The following GIPC1 variants were observed in gnomAD, a reference collection of about 807,000 sequenced individuals.
GIPC1 encodes the protein GIPC PDZ domain containing family member 1.
In GIPC1, 15 loss-of-function variants were observed where a neutral mutation model predicts 28.5. That is an observed-to-expected ratio of 0.53 (90% CI 0.35 to 0.81). The LOEUF is 0.81. Among genes scored for constraint, GIPC1 ranks in the 30% least tolerant of loss-of-function variants. The pLI is 0.01. For missense variants in GIPC1, 439 were observed against 481.9 expected, an observed-to-expected ratio of 0.91 and a Z score of 0.83; for synonymous variants, 224 against 206.1, an observed-to-expected ratio of 1.09 and a Z score of -0.74.
chr19:14,494,188 G>T (rs1231385187), intron 1 of GIPC1, among the ~76,000 whole-genome samples: 1 of 151,992 alleles, frequency 6.6e-6, no homozygotes, highest in Non-Finnish European at 1.5e-5. Flanking sequence ...TCAAACTCCT[G>T]ACCTCTTGAC....
chr19:14,480,975 T>C, intron 4 of GIPC1, 197 bp from the exon 5 acceptor site: 1 of 566,546 alleles, frequency 1.8e-6, no homozygotes. Context: ...GATTTAGTTT[T>C]CCTTTCTCTT....
chr19:14,486,469 A>C (rs2071845950), intron 3 of GIPC1, among the ~76,000 whole-genome samples: 1 of 152,122 alleles, frequency 6.6e-6, no homozygotes, highest in Non-Finnish European at 1.5e-5. Flanking sequence ...GAGGCATTTA[A>C]GTGCTGGAGC....
intron 3 of GIPC1, among the ~76,000 whole-genome samples, chr19:14,485,983 G>A (rs1303595802): frequency 6.6e-6 from 1 of 151,982 alleles, no homozygotes; most frequent in African/African-American, 2.4e-5. Context: ...CGTTAGCAAG[G>A]ATGGTCTCGA....
chr19:14,486,717 T>C (rs982166604), intron 3 of GIPC1, among the ~76,000 whole-genome samples: 7 of 147,830 alleles, frequency 4.7e-5, no homozygotes, highest in African/African-American at 9.9e-5. Context: ...TCTTTCTTTT[T>C]TTTTTTTTTT....
intron 3 of GIPC1, among the ~76,000 whole-genome samples, chr19:14,489,235 G>C (rs1361517147): frequency 6.6e-6 from 1 of 152,158 alleles, no homozygotes; most frequent in Non-Finnish European, 1.5e-5. Flanking sequence ...CTATGGTTTG[G>C]ATAAGGTTTG....
intron 4 of GIPC1, among the ~76,000 whole-genome samples, chr19:14,481,305 CA>C (rs1181380353): frequency 6.6e-6 from 1 of 152,080 alleles, no homozygotes; most frequent in African/African-American, 2.4e-5. Context: ...ATGGGAGCCT[CA>C]TTATGTTGCC....
chr19:14,496,087 C>G lies in GIPC1; in HGVS notation c.-225G>C, dbSNP rs1281819171. ...GCCGCCGCCGCCGCTGCCTCCGCCT[C>G]CCCGTGCGCACCCGGCTCGGCCCTC... On this transcript the variant is annotated 5_prime_UTR_variant, in exon 1 of 9. Transcript: ENST00000393033. The G allele has an allele frequency of 8.5e-6, 2 of 234,828 alleles. No homozygotes were observed. The highest frequency in any genetic ancestry group is 2.4e-5 in the African/African-American group (1 of 42,382). The allele number at this position is 234,828 out of a possible 1,614,324, so 14.5% of individuals were successfully genotyped here.
At chr19:14,481,766 GAAC>G (rs2071735128) in intron 4 of GIPC1, 1 of 151,414 alleles carries the variant, frequency 6.6e-6, no homozygotes, top group Non-Finnish European at 1.5e-5. Context: ...TGCTTTCAGG[GAAC>G]GGAGCCTGGC....
intron 3 of GIPC1, among the ~76,000 whole-genome samples, chr19:14,485,684 A>AATACATATAT (rs1555721766): frequency 1.4e-5 from 1 of 72,476 alleles, no homozygotes; most frequent in East Asian, 3.5e-4. Flanking sequence ...TAAATAAACA[A>AATACATATAT]ATATATATAT....
Position 14,480,503 on chromosome 19 carries a change from C to T in GIPC1, c.475-18G>A. The T allele has an allele frequency of 1.2e-6, 2 of 1,606,820 alleles. No homozygotes were observed. The highest frequency in any genetic ancestry group is 1.7e-6 in the Non-Finnish European group (2 of 1,175,008). ...TTGATGCGCTGCGGGGGCGGGGAGT[C>T]ATCAGCCCTTGGGGCTCTGCCCTGG... is the stretch of plus-strand genomic sequence containing the variant. On this transcript the variant is annotated intron_variant, in intron 5 of 8. Coordinates refer to ENST00000393033, the MANE Select transcript of GIPC1 (RefSeq NM_005716.4).
intron 3 of GIPC1, among the ~76,000 whole-genome samples, chr19:14,490,303 T>C (rs775200773): frequency 1.9e-4 from 28 of 149,106 alleles, no homozygotes; most frequent in Admixed American, 6.7e-4. Context: ...GAGGTGGAGG[T>C]TGCGGTGAAT....
intron 2 of GIPC1, among the ~76,000 whole-genome samples, chr19:14,492,124 G>A (rs1329700061): frequency 1.3e-5 from 2 of 151,994 alleles, no homozygotes; most frequent in Admixed American, 1.3e-4. Flanking sequence ...CCAGCTCTAC[G>A]CACTGGGAGG....
At chr19:14,479,926 A>C in intron 6 of GIPC1, 1 of 421,424 alleles carries the variant, frequency 2.4e-6, no homozygotes, top group Admixed American at 4.2e-5. Flanking sequence ...TTAGTCCCCC[A>C]CCCCCACCTC....
chr19:14,480,376 G>A lies in GIPC1; in HGVS notation c.584C>T (p.Ala195Val). The A allele has an allele frequency of 6.2e-7, 1 of 1,612,654 alleles. No homozygotes were observed. The highest frequency in any genetic ancestry group is 8.5e-7 in the Non-Finnish European group (1 of 1,179,804). ...SLLGCRHYEV[A>V]RLLKELPRGR... ...TCGGGGCAGCTCCTTGAGCAGCCGG[G>A]CCACCTCGTAGTGCCGGCAGCCCAG... Residue 195 changes from alanine (A) to valine (V), a missense_variant, in exon 6 of 9, where the codon GCC becomes GTC. Ala to Val is a moderately conservative substitution (Grantham distance 64). Transcript: ENST00000393033.
chr19:14,494,134 A>C (rs1264500657), intron 1 of GIPC1, among the ~76,000 whole-genome samples: 2 of 151,496 alleles, frequency 1.3e-5, no homozygotes, highest in African/African-American at 4.9e-5. Flanking sequence ...TAATTTTCAT[A>C]TTTTTAGGAG....
intron 2 of GIPC1, among the ~76,000 whole-genome samples, chr19:14,492,058 G>A (rs1331712507): frequency 1.3e-5 from 2 of 151,614 alleles, no homozygotes; most frequent in African/African-American, 2.4e-5. Context: ...ACAGAGTGAG[G>A]CTCCATCTCA....
chr19:14,494,816 G>A (rs770565975), intron 1 of GIPC1, among the ~76,000 whole-genome samples: 3 of 152,122 alleles, frequency 2.0e-5, no homozygotes, highest in Non-Finnish European at 4.4e-5. Flanking sequence ...GAGATGAAGA[G>A]CCACTTCAGC....
Position 14,482,736 on chromosome 19 carries a change from C to T in GIPC1, c.241G>A (p.Glu81Lys). Residue 81 changes from glutamate (E) to lysine (K), a missense_variant, in exon 4 of 9, where the codon GAG becomes AAG. By Grantham distance (56) the Glu-to-Lys change is moderately conservative (BLOSUM62 1). Transcript: ENST00000393033. ...GCCTCGGCGATCTTGCCATACAGCTCCTTGACGTTGGTGAAGCCCTCGATG... is the reference window on the plus strand; with the variant it reads ...GCCTCGGCGATCTTGCCATACAGCTTCTTGACGTTGGTGAAGCCCTCGATG... ...GRIEGFTNVKELYGKIAEAFR... is the reference protein window; with the variant it reads ...GRIEGFTNVKKLYGKIAEAFR... 1.2e-6 allele frequency: 2 copies of T among 1,611,696 alleles called. No homozygotes were observed. Among genetic ancestry groups the T allele is most frequent in the Non-Finnish European group, 1.7e-6 (2 of 1,179,934 alleles).
chr19:14,489,320 A>C (rs532896751), intron 3 of GIPC1: 247 of 766,762 alleles, frequency 3.2e-4, no homozygotes, highest in Non-Finnish European at 5.5e-4. Flanking sequence ...TGCTGGGCCT[A>C]CCGCGGTAGC....
Sources: gnomAD v4.1 joint callset for allele counts (sites outside exome capture counted in the v4.1 genomes callset) on GRCh38, gnomAD v4.1.1 for gene constraint, MANE v1.5 for transcripts, NCBI Gene and HGNC (gene_info 2026-07-23, HGNC 2026-07-21) for gene names.